The following PLAG1 variants were observed in gnomAD, a reference collection of about 807,000 sequenced individuals.
The protein encoded by PLAG1 is zinc finger protein PLAG1.
In PLAG1, 7 loss-of-function variants were observed where a neutral mutation model predicts 35.5. The ratio of observed to expected loss-of-function variants is 0.20; its 90% CI spans 0.11 to 0.37. PLAG1 has a LOEUF of 0.37. PLAG1 is among the 10% of genes least tolerant of loss of function. PLAG1 has a pLI of 1.00. For missense variants in PLAG1, 454 were observed against 602.8 expected (o/e 0.75, Z 2.58); for synonymous variants, 229 against 225.4 (o/e 1.02, Z -0.14).
chr8:56,176,046 C>CTTT (rs1309523141), intron 2 of PLAG1, among the ~76,000 whole-genome samples: 5,596 of 130,016 alleles, frequency 0.043, 266 homozygotes, highest in African/African-American at 0.1. Flanking sequence ...TTTTCCTTTT[C>CTTT]TTTTTTTTTT....
In PLAG1 at chr8:56,161,894, G is replaced by A. The variant is rs958042617; in HGVS notation, c.*4349C>T. The A allele has an allele frequency of 1.6e-4, 36 of 227,452 alleles. No individual in the cohort carries two copies. Among genetic ancestry groups the A allele is most frequent in the African/African-American group, 6.2e-4 (28 of 44,952 alleles). 14.1% of individuals were successfully genotyped at this position (227,452 alleles called of 1,614,324 possible). A position where few individuals can be genotyped will look rare whatever the true frequency, so the allele number is the denominator to read the frequency against. ...ACCACTGAAGCTTATATAATGAAGT[G>A]TTTTATACATTAGCAATAGTTCTGT... On this transcript the variant is annotated 3_prime_UTR_variant, in exon 5 of 5. Transcript: ENST00000316981.
chr8:56,177,753 G>C (rs576958769), intron 2 of PLAG1, among the ~76,000 whole-genome samples: 1 of 152,294 alleles, frequency 6.6e-6, no homozygotes, highest in Admixed American at 6.5e-5. Flanking sequence ...AGGTAACTAT[G>C]TTTCAGGTCT....
rs1447082505 is a variant in PLAG1, at chr8:56,166,059, T to C, written c.*184A>G. 2.6e-6 allele frequency: 1 copy of C among 382,066 alleles called. No individual in the cohort carries two copies. The highest frequency in any genetic ancestry group is 2.1e-5 in the African/African-American group (1 of 48,514). The allele number at this position is 382,066 out of a possible 1,614,324, so 23.7% of individuals were successfully genotyped here. ...GACAAAATACCCAGGTAAACTTAACTGAACACAAATGGTTCCAAAGCTCAG... is the reference window on the plus strand; with the variant it reads ...GACAAAATACCCAGGTAAACTTAACCGAACACAAATGGTTCCAAAGCTCAG... On this transcript the variant is annotated 3_prime_UTR_variant, in exon 5 of 5. Transcript: ENST00000316981.
At chr8:56,188,522 G>C (rs1385367439) in intron 1 of PLAG1, among the ~76,000 whole-genome samples, 2 of 152,180 alleles carry the variant, frequency 1.3e-5, no homozygotes, top group Admixed American at 6.5e-5. Context: ...CACCTTATAA[G>C]TCACCTTTAG....
intron 2 of PLAG1, among the ~76,000 whole-genome samples, chr8:56,172,182 C>T (rs563497064): frequency 6.6e-6 from 1 of 152,020 alleles, no homozygotes; most frequent in African/African-American, 2.4e-5. Context: ...TAAAAATATC[C>T]CCTGTAATAA....
At chr8:56,205,239 T>C (rs1812664695) in intron 1 of PLAG1, among the ~76,000 whole-genome samples, 2 of 151,956 alleles carry the variant, frequency 1.3e-5, no homozygotes, top group East Asian at 1.9e-4. Flanking sequence ...ATGAAGAAAA[T>C]GATTTTCAAT....
intron 1 of PLAG1, among the ~76,000 whole-genome samples, chr8:56,198,281 G>A (rs916251667): frequency 6.6e-6 from 1 of 152,240 alleles, no homozygotes; most frequent in Non-Finnish European, 1.5e-5. Context: ...ATGGTATGGA[G>A]CAGTGCTCCA....
At chr8:56,183,357 G>A (rs953198135) in intron 1 of PLAG1, among the ~76,000 whole-genome samples, 5 of 152,156 alleles carry the variant, frequency 3.3e-5, no homozygotes, top group Non-Finnish European at 5.9e-5. Context: ...TGTCAGAAGA[G>A]GTGAAGTGTG....
intron 1 of PLAG1, among the ~76,000 whole-genome samples, chr8:56,197,268 G>A (rs538081338): frequency 6.6e-5 from 10 of 152,234 alleles, no homozygotes; most frequent in East Asian, 1.9e-4. Context: ...TCCCTCTGCC[G>A]TGGGAGTGAG....
intron 1 of PLAG1, among the ~76,000 whole-genome samples, chr8:56,192,328 T>C (rs1312595258): frequency 1.3e-5 from 2 of 152,198 alleles, no homozygotes. Flanking sequence ...GATTCATGCA[T>C]GAGGTCATTC....
chr8:56,185,379 CA>C (rs1811992307), intron 1 of PLAG1, among the ~76,000 whole-genome samples: 1 of 151,872 alleles, frequency 6.6e-6, no homozygotes, highest in Admixed American at 6.6e-5. Flanking sequence ...TTATACCCCC[CA>C]AAACTGTTAA....
rs192814519 is a variant in PLAG1 at position 56,162,963 on chromosome 8, A to T, written c.*3280T>A. The T allele has an allele frequency of 1.9e-5, 4 of 213,212 alleles. No homozygotes were observed. In the East Asian group the frequency reaches 2.8e-4, roughly 15 times the overall value. 13.2% of individuals were successfully genotyped at this position (213,212 alleles called of 1,614,324 possible). A position where few individuals can be genotyped will look rare whatever the true frequency, so the allele number is the denominator to read the frequency against. Reference sequence around the variant, plus strand: ...GAGTGATGCATAATCAGCCAGGACAATTGAAGTTTTAAAAAACTGAACTTG... The same window carrying T: ...GAGTGATGCATAATCAGCCAGGACATTTGAAGTTTTAAAAAACTGAACTTG... On this transcript the variant is annotated 3_prime_UTR_variant, in exon 5 of 5. Transcript: ENST00000316981.
chr8:56,180,779 T>C (rs2129228196), intron 1 of PLAG1, among the ~76,000 whole-genome samples: 1 of 152,300 alleles, frequency 6.6e-6, no homozygotes, highest in South Asian at 2.1e-4. Context: ...ACAGGCAACC[T>C]ATAGAACGGC....
intron 1 of PLAG1, among the ~76,000 whole-genome samples, chr8:56,199,905 G>C (rs983297090): frequency 6.6e-6 from 1 of 152,218 alleles, no homozygotes; most frequent in African/African-American, 2.4e-5. Context: ...CAAAAGGAGA[G>C]AGAATGGGGA....
intron 2 of PLAG1, among the ~76,000 whole-genome samples, chr8:56,174,815 C>A (rs1168473094): frequency 6.6e-6 from 1 of 152,120 alleles, no homozygotes; most frequent in Non-Finnish European, 1.5e-5. Flanking sequence ...GTCATTATTT[C>A]ATATGCAGTA....
At chr8:56,206,025 AATAAG>A (rs1158484490) in intron 1 of PLAG1, among the ~76,000 whole-genome samples, 2 of 152,028 alleles carry the variant, frequency 1.3e-5, no homozygotes, top group African/African-American at 4.8e-5. Context: ...TTTTTAAAAA[AATAAG>A]ATATTTCTGT....
chr8:56,175,998 G>A (rs1006531355), intron 2 of PLAG1, among the ~76,000 whole-genome samples: 1 of 148,558 alleles, frequency 6.7e-6, no homozygotes, highest in Non-Finnish European at 1.5e-5. Context: ...AAAATGCCAC[G>A]TTAAGTTAAA....
At chr8:56,173,204 A>G (rs889486751) in intron 2 of PLAG1, among the ~76,000 whole-genome samples, 2 of 152,140 alleles carry the variant, frequency 1.3e-5, no homozygotes, top group African/African-American at 4.8e-5. Flanking sequence ...ACATATTCCA[A>G]TAGTCTAGAA....
Position 56,163,694 on chromosome 8 carries a change from CACACAT to C in PLAG1, c.*2543_*2548del, listed in dbSNP as rs1321692566. ...GTGTGTATATATACACACACACACACACACATACACATACATACATATATGGCGCTA... is the reference window on the plus strand; with the variant it reads ...GTGTGTATATATACACACACACACACACACATACATACATATATGGCGCTA... On this transcript the variant is annotated 3_prime_UTR_variant, in exon 5 of 5. Coordinates refer to ENST00000316981, the MANE Select transcript of PLAG1 (RefSeq NM_002655.3). 2.1e-4 allele frequency: 41 copies of C among 190,782 alleles called. No homozygotes were observed. The highest frequency in any genetic ancestry group is 8.4e-4 in the African/African-American group (36 of 42,716). 11.8% of individuals were successfully genotyped at this position (190,782 alleles called of 1,614,324 possible).
Sources: gnomAD v4.1 joint callset for allele counts (sites outside exome capture counted in the v4.1 genomes callset) on GRCh38, gnomAD v4.1.1 for gene constraint, MANE v1.5 for transcripts, NCBI Gene and HGNC (gene_info 2026-07-23, HGNC 2026-07-21) for gene names.